Variants in CDKL3 observed in about 807,000 individuals in gnomAD.
CDKL3 encodes the protein cyclin-dependent kinase-like 3.
CDKL3 carries 65 observed loss-of-function variants against 69.3 expected under a neutral mutation model. The observed-to-expected ratio is 0.94, with a 90% CI of 0.77 to 1.15. The LOEUF (loss-of-function observed/expected upper bound fraction) is 1.15. CDKL3 is among the 50% of genes most tolerant of loss of function. The pLI is 0.00. For missense variants in CDKL3, 652 were observed against 689.2 expected, an observed-to-expected ratio of 0.95 and a Z score of 0.61; for synonymous variants, 202 against 221.6, an observed-to-expected ratio of 0.91 and a Z score of 0.79.
chr5:134,329,087 TC>T (rs1775099039), intron 4 of CDKL3, among the ~76,000 whole-genome samples: 1 of 152,330 alleles, frequency 6.6e-6, no homozygotes, highest in East Asian at 1.9e-4. Flanking sequence ...ATACCTGTAA[TC>T]CCAGCACATT....
upstream of CDKL3, among the ~76,000 whole-genome samples, chr5:134,370,179 C>T (rs1035330012): frequency 6.6e-6 from 1 of 152,184 alleles, no homozygotes; most frequent in African/African-American, 2.4e-5. Flanking sequence ...GTCCTCATTC[C>T]ACCCTCCCTT....
At chr5:134,355,235 GAAAAAA>G (rs60153337) in intron 3 of CDKL3, among the ~76,000 whole-genome samples, 2 of 74,468 alleles carry the variant, frequency 2.7e-5, no homozygotes, top group African/African-American at 4.4e-5. Context: ...TCTGTCTCAG[GAAAAAA>G]AAAAAAAAAA....
chr5:134,303,928 T>C, intron 11 of CDKL3, among the ~76,000 whole-genome samples: 1 of 148,746 alleles, frequency 6.7e-6, no homozygotes, highest in Admixed American at 6.8e-5. Context: ...TCTTTTTAAT[T>C]AAAAAAAAAT....
intron 4 of CDKL3, among the ~76,000 whole-genome samples, chr5:134,332,521 G>GT (rs1157099762): frequency 2.0e-5 from 3 of 152,172 alleles, no homozygotes; most frequent in Non-Finnish European, 4.4e-5. Context: ...TGGCTAACCA[G>GT]TTTTCCCAGC....
At chr5:134,341,721 G>T (rs1211583457) in intron 4 of CDKL3, among the ~76,000 whole-genome samples, 1 of 152,234 alleles carries the variant, frequency 6.6e-6, no homozygotes, top group African/African-American at 2.4e-5. Flanking sequence ...GTTCAAAATG[G>T]TGGCTCCATC....
intron 4 of CDKL3, among the ~76,000 whole-genome samples, chr5:134,347,800 T>C (rs750523173): frequency 6.6e-6 from 1 of 151,504 alleles, no homozygotes; most frequent in African/African-American, 2.4e-5. Context: ...ATTCTACTTA[T>C]ATGAAATGTC....
chr5:134,285,304 T>A (rs1172879192), downstream of CDKL3, among the ~76,000 whole-genome samples: 4 of 152,238 alleles, frequency 2.6e-5, no homozygotes, highest in South Asian at 8.3e-4. Context: ...GCAGCAAACT[T>A]CTTCCTGGAC....
At chr5:134,314,238 C>T (rs918633517) in intron 6 of CDKL3, among the ~76,000 whole-genome samples, 1 of 152,118 alleles carries the variant, frequency 6.6e-6, no homozygotes, top group Admixed American at 6.6e-5. Flanking sequence ...TAATCTATCA[C>T]TAAAACTTAT....
chr5:134,324,762 A>G (rs931908628), intron 4 of CDKL3, among the ~76,000 whole-genome samples: 1 of 152,218 alleles, frequency 6.6e-6, no homozygotes, highest in Admixed American at 6.5e-5. Flanking sequence ...GTATGATACT[A>G]TAATGATGGA....
chr5:134,303,255 C>G (rs10068868), intron 11 of CDKL3, among the ~76,000 whole-genome samples: 1,666 of 152,098 alleles, frequency 0.011, 39 homozygotes, highest in African/African-American at 0.038. Flanking sequence ...CCATGCCTGG[C>G]TAATAGAGAT....
At chr5:134,330,665 AG>A (rs1775556514) in intron 4 of CDKL3, among the ~76,000 whole-genome samples, 1 of 152,154 alleles carries the variant, frequency 6.6e-6, no homozygotes, top group Non-Finnish European at 1.5e-5. Context: ...CAGTGAGCCA[AG>A]TTCCCACAAC....
intron 2 of CDKL3, 33 bp downstream of exon 2, chr5:134,366,326 T>C: frequency 6.7e-7 from 1 of 1,484,646 alleles, no homozygotes; most frequent in Non-Finnish European, 9.0e-7. Flanking sequence ...ATTTTTTCTT[T>C]TGACTTAGAT....
At chr5:134,364,259 T>C (rs968355120) in intron 2 of CDKL3, among the ~76,000 whole-genome samples, 10 of 152,330 alleles carry the variant, frequency 6.6e-5, no homozygotes, top group Non-Finnish European at 1.3e-4. Flanking sequence ...TCTCCTGGGC[T>C]GAACTGTCAC....
chr5:134,352,138 G>A (rs1266521497), intron 3 of CDKL3, among the ~76,000 whole-genome samples: 1 of 152,032 alleles, frequency 6.6e-6, no homozygotes, highest in Admixed American at 6.6e-5. Flanking sequence ...AGATCATGCG[G>A]TATTTGTCCT....
At chr5:134,302,724 AT>A (rs1188543444) in intron 11 of CDKL3, 37 bp from the exon 12 acceptor site, 6 of 1,072,818 alleles carry the variant, frequency 5.6e-6, no homozygotes, top group Non-Finnish European at 8.1e-6. Context: ...AAAATTTGTT[AT>A]TCCTACTTTG....
intron 3 of CDKL3, among the ~76,000 whole-genome samples, chr5:134,354,397 T>C (rs1055996252): frequency 1.3e-5 from 2 of 152,206 alleles, no homozygotes; most frequent in Non-Finnish European, 2.9e-5. Flanking sequence ...CTGGGATCTT[T>C]CCTTGTTTAT....
At chr5:134,343,520 G>C (rs1414126587) in intron 4 of CDKL3, among the ~76,000 whole-genome samples, 1 of 152,174 alleles carries the variant, frequency 6.6e-6, no homozygotes, top group African/African-American at 2.4e-5. Context: ...TGCCTTTGTA[G>C]GACTAACATT....
intron 3 of CDKL3, among the ~76,000 whole-genome samples, chr5:134,355,319 T>C (rs1202171496): frequency 6.6e-6 from 1 of 150,582 alleles, no homozygotes; most frequent in Non-Finnish European, 1.5e-5. Context: ...CCTTACTTCA[T>C]ATAATCACAC....
chr5:134,329,770 TA>T (rs1775320666), intron 4 of CDKL3, among the ~76,000 whole-genome samples: 1 of 152,080 alleles, frequency 6.6e-6, no homozygotes, highest in Non-Finnish European at 1.5e-5. Flanking sequence ...CGCTGTTAAT[TA>T]ATTTTAAAAA....
Sources: gnomAD v4.1 joint callset for allele counts (sites outside exome capture counted in the v4.1 genomes callset) on GRCh38, gnomAD v4.1.1 for gene constraint, MANE v1.5 for transcripts, NCBI Gene and HGNC (gene_info 2026-07-23, HGNC 2026-07-21) for gene names.